The following DMD variants were observed in gnomAD, a reference collection of about 807,000 sequenced individuals.
DMD encodes the protein mutant dystrophin.
In DMD, 63 loss-of-function variants were observed where a neutral mutation model predicts 330.1. That is an observed-to-expected ratio of 0.19 (90% CI 0.16 to 0.24). The LOEUF is 0.24. DMD is among the 10% of genes least tolerant of loss of function. The pLI, the probability that DMD is intolerant of heterozygous loss-of-function variation, is 1.00. For missense variants in DMD, 3,344 were observed against 2,684.1 expected (o/e 1.25, Z -5.43); for synonymous variants, 1,223 against 959.8 (o/e 1.27, Z -5.07).
At chrX:32,655,158 G>C (rs959218700) in intron 9 of DMD, among the ~76,000 whole-genome samples, 48 of 111,487 alleles carry the variant, frequency 4.3e-4, no homozygotes, top group African/African-American at 1.5e-3. Flanking sequence ...TCTGATCTTA[G>C]TTATTTCTTG....
At chrX:31,597,417 G>A (rs2077158314) in intron 55 of DMD, among the ~76,000 whole-genome samples, 1 of 111,483 alleles carries the variant, frequency 9.0e-6, no homozygotes, top group Non-Finnish European at 1.9e-5. Flanking sequence ...ACCCAGATAA[G>A]CATCTTGTGG....
At chrX:32,825,608 T>A (rs1292253307) in intron 4 of DMD, among the ~76,000 whole-genome samples, 3 of 112,107 alleles carry the variant, frequency 2.7e-5, no homozygotes, top group African/African-American at 9.7e-5. Flanking sequence ...AGCCAAAATG[T>A]GAGAACACCC....
In DMD at chrX:32,441,197, T is replaced by A; in HGVS notation, c.3904A>T (p.Ile1302Phe). ...CAACTTACATCTAGCACCTCAGAGA[T>A]TTCCTCAGCTCCGCCAGGAATGTTT... is the stretch of plus-strand genomic sequence containing the variant. ...TENIPGGAEE[I>F]SEVLDSLENL... The change falls in exon 28 of 79, where the codon ATC becomes TTC. Residue 1302 changes from isoleucine to phenylalanine, a missense_variant. Ile to Phe is a conservative substitution (Grantham distance 21, BLOSUM62 0). Transcript: ENST00000357033. The A allele has an allele frequency of 2.5e-6, 3 of 1,209,474 alleles. No homozygotes were observed. The highest frequency in any genetic ancestry group is 3.4e-6 in the Non-Finnish European group (3 of 893,791).
intron 1 of DMD, among the ~76,000 whole-genome samples, chrX:33,131,692 G>C (rs1322733707): frequency 4.5e-5 from 5 of 111,814 alleles, no homozygotes; most frequent in Non-Finnish European, 7.5e-5. Flanking sequence ...TCATCGGTAC[G>C]ATAAGATATC....
chrX:32,311,126 T>C (rs2097560794), intron 41 of DMD, among the ~76,000 whole-genome samples: 1 of 110,737 alleles, frequency 9.0e-6, no homozygotes, highest in Non-Finnish European at 1.9e-5. Context: ...ACCTGTGCTC[T>C]CTTCTGTCTA....
At chrX:32,542,989 A>C (rs2048627068) in intron 17 of DMD, among the ~76,000 whole-genome samples, 1 of 111,726 alleles carries the variant, frequency 9.0e-6, no homozygotes, top group Non-Finnish European at 1.9e-5. Flanking sequence ...ACATTTTACT[A>C]TACAGCCCAG....
rs573760968 is a variant in DMD, at chrX:32,894,977, G to A, written c.94-45157C>T. On this transcript the variant is annotated intron_variant, in intron 2 of 78. Transcript: ENST00000357033. Reference sequence around the variant, plus strand: ...TCACAGTTCTGGAGGCTTTAAGTCCGAGGTCAGTGTTCCAGCGTGTTCAAG... The same window carrying A: ...TCACAGTTCTGGAGGCTTTAAGTCCAAGGTCAGTGTTCCAGCGTGTTCAAG... 1.5e-4 allele frequency among the ~76,000 whole-genome samples: 17 copies of A among 112,038 alleles called. No homozygotes were observed. The South Asian group carries it at 6.3e-3, about 42-fold the overall frequency.
At chrX:32,449,490 T>A (rs1278716278) in intron 26 of DMD, among the ~76,000 whole-genome samples, 1 of 109,786 alleles carries the variant, frequency 9.1e-6, no homozygotes, top group Non-Finnish European at 1.9e-5. Context: ...ACGATACCCA[T>A]ATAGCTATCC....
chrX:33,294,828 A>G (rs2053562340), intron 1 of DMD, among the ~76,000 whole-genome samples: 1 of 110,955 alleles, frequency 9.0e-6, no homozygotes, highest in African/African-American at 3.3e-5. Context: ...TTGGCAATAG[A>G]TTATAGAAAT....
intron 44 of DMD, among the ~76,000 whole-genome samples, chrX:32,112,381 T>C (rs1210625478): frequency 9.0e-6 from 1 of 110,655 alleles, no homozygotes; most frequent in African/African-American, 3.3e-5. Context: ...AGCGAAAGAG[T>C]GATTTAGAGA....
intron 29 of DMD, among the ~76,000 whole-genome samples, chrX:32,416,070 G>A (rs1399256758): frequency 9.0e-6 from 1 of 111,720 alleles, no homozygotes; most frequent in Admixed American, 9.6e-5. Context: ...AGTGTAGCAT[G>A]TCTAAGAAAC....
At position 32,448,615 on chromosome X, in the gene DMD, T is replaced by G. The variant is rs769122414; in HGVS notation, c.3627A>C (p.Gln1209His). The G allele has an allele frequency of 8.3e-7, 1 of 1,207,469 alleles. No homozygotes were observed. Among genetic ancestry groups the G allele is most frequent in the Admixed American group, 2.2e-5 (1 of 45,785 alleles). Residue 1209 changes from glutamine (Q) to histidine (H), a missense_variant, in exon 27 of 79, where the codon CAA (glutamine) becomes CAC (histidine). Transcript: ENST00000357033. ...EMKRAKEEAQ[Q>H]KEAKVKLLTE... ...TAAGGAGTTTCACTTTCGCTTCTTT[T>G]TGTTGGGCCTCTTCTTTAGCTCTCT...
rs1386571829 is a variant in DMD at position 32,468,703 on chromosome X, T to C, written c.2957A>G (p.Gln986Arg). 8.3e-7 allele frequency: 1 copy of C among 1,207,334 alleles called. No homozygotes were observed. The highest frequency in any genetic ancestry group is 2.2e-5 in the Admixed American group (1 of 45,515). ...EQRLGELQAL[Q>R]SSLQEQQSGL... ...ACTTTGTTGCTCTTGCAGAGAACTTTGTAAAGCCTAAAAAACAATTTTTTA... is the reference window on the plus strand; with the variant it reads ...ACTTTGTTGCTCTTGCAGAGAACTTCGTAAAGCCTAAAAAACAATTTTTTA... The change falls in exon 23 of 79, where the codon CAA becomes CGA. Residue 986 changes from glutamine (Q) to arginine (R), a missense_variant. Coordinates refer to ENST00000357033, the MANE Select transcript of DMD (RefSeq NM_004006.3).
chrX:32,184,940 T>C (rs1300269383), intron 44 of DMD, among the ~76,000 whole-genome samples: 1 of 108,070 alleles, frequency 9.3e-6, no homozygotes, highest in East Asian at 2.9e-4. Context: ...GCCTACTCCT[T>C]GGAATGCCTT....
chrX:31,350,630 TGTGAGAGA>T (rs796365123), intron 60 of DMD, among the ~76,000 whole-genome samples: 5,814 of 47,275 alleles, frequency 0.12, 220 homozygotes, highest in Middle Eastern at 0.22. Context: ...TGTGTGTGTG[TGTGAGAGA>T]GAGAGAGAGA....
At chrX:32,937,659 C>T (rs907874000) in intron 2 of DMD, among the ~76,000 whole-genome samples, 1 of 107,642 alleles carries the variant, frequency 9.3e-6, no homozygotes, top group African/African-American at 3.4e-5. Flanking sequence ...TGGAGGTACA[C>T]GAGGTATACA....
intron 44 of DMD, among the ~76,000 whole-genome samples, chrX:32,134,563 C>T (rs2096715122): frequency 9.1e-6 from 1 of 110,454 alleles, no homozygotes; most frequent in Non-Finnish European, 1.9e-5. Context: ...CGTGAAGATG[C>T]TAATATAGGT....
intron 1 of DMD, among the ~76,000 whole-genome samples, chrX:33,103,309 T>G (rs1377630091): frequency 9.0e-6 from 1 of 111,338 alleles, no homozygotes; most frequent in East Asian, 2.8e-4. Context: ...AGCCATCATA[T>G]CCCCTGTGAC....
chrX:32,696,313 A>G (rs765469078), intron 9 of DMD, among the ~76,000 whole-genome samples: 1 of 112,117 alleles, frequency 8.9e-6, no homozygotes, highest in Non-Finnish European at 1.9e-5. Flanking sequence ...ACCTAACTAC[A>G]TGTAACATCA....
Sources: allele counts gnomAD v4.1 joint callset (sites outside exome capture counted in the v4.1 genomes callset), GRCh38; gene constraint gnomAD v4.1.1; transcripts MANE v1.5; gene names NCBI Gene and HGNC (gene_info 2026-07-23, HGNC 2026-07-21).